VPS35L: variants seen among roughly 807,000 people sequenced by gnomAD.
VPS35L encodes the protein VPS35 endosomal protein-sorting factor-like.
VPS35L carries 83 observed loss-of-function variants against 133.0 expected under a neutral mutation model. That is an observed-to-expected ratio of 0.62 (90% CI 0.52 to 0.75). VPS35L has a LOEUF of 0.75. VPS35L is among the 30% of genes least tolerant of loss of function. VPS35L has a pLI of 0.00. For missense variants in VPS35L, 1,083 were observed against 1,206.8 expected (o/e 0.90, Z 1.52); for synonymous variants, 423 against 449.9 (o/e 0.94, Z 0.76).
intron 12 of VPS35L, among the ~76,000 whole-genome samples, chr16:19,615,492 A>G (rs1293512109): frequency 6.6e-6 from 1 of 152,082 alleles, no homozygotes; most frequent in African/African-American, 2.4e-5. Context: ...TCTACTAAAA[A>G]TACAAAAATT....
rs183768797 is a variant in VPS35L, at chr16:19,626,149, T to G, written c.1225-28T>G. 34 of 1,495,636 alleles carry G rather than the reference T, an allele frequency of 2.3e-5. 1 individual carries two copies. In the African/African-American group the frequency reaches 2.6e-4, roughly 11 times the overall value. The allele number at this position is 1,495,636 out of a possible 1,614,324, so 92.6% of individuals were successfully genotyped here. ...ACTTTAGCTCCTCCAACCTGATTTT[T>G]TAATTATTATTATTTTTAACATAAT... On this transcript the variant is annotated intron_variant, in intron 14 of 30. Transcript: ENST00000417362.
chr16:19,699,661 G>T lies in VPS35L; in HGVS notation c.2793+13G>T. Reference sequence around the variant, plus strand: ...CACCAGGACCATGGTGAGGCGCTCGGAGGGCCCCGTGGTATAAGCCCACTG... The same window carrying T: ...CACCAGGACCATGGTGAGGCGCTCGTAGGGCCCCGTGGTATAAGCCCACTG... On this transcript the variant is annotated intron_variant, in intron 30 of 30. Coordinates refer to ENST00000417362, the MANE Select transcript of VPS35L (RefSeq NM_020314.7). The surrounding 1 kb of genome is among the most constrained non-coding windows in gnomAD (Gnocchi z 4.2). 1.2e-6 allele frequency: 2 copies of T among 1,612,232 alleles called. No individual in the cohort carries two copies. The highest frequency in any genetic ancestry group is 1.1e-5 in the South Asian group (1 of 91,070).
At chr16:19,692,895 C>T (rs976199396) in intron 29 of VPS35L, among the ~76,000 whole-genome samples, 3 of 152,196 alleles carry the variant, frequency 2.0e-5, no homozygotes, top group Admixed American at 2.0e-4. Context: ...GGTGTTCAAG[C>T]GTGTGTTTGA....
At position 19,683,992 on chromosome 16, in the gene VPS35L, TGGCTAAATATACACATG is replaced by T. The variant is rs748128695; in HGVS notation, c.2527+1603_2527+1619del. 7.7e-4 allele frequency among the ~76,000 whole-genome samples: 117 copies of T among 152,308 alleles called. No individual in the cohort carries two copies. In the Middle Eastern group the frequency reaches 0.01, roughly 13 times the overall value. Reference sequence around the variant, plus strand: ...TGTGCTACACAATAAACTGGAACAATGGCTAAATATACACATGCATGAGCTTCGTGCCAGGCCTGTTC... The same window carrying T: ...TGTGCTACACAATAAACTGGAACAATCATGAGCTTCGTGCCAGGCCTGTTC... On this transcript the variant is annotated intron_variant, in intron 28 of 30. Transcript: ENST00000417362.
chr16:19,642,953 A>G (rs1388901023), intron 22 of VPS35L, among the ~76,000 whole-genome samples: 1 of 152,206 alleles, frequency 6.6e-6, no homozygotes, highest in Non-Finnish European at 1.5e-5. Flanking sequence ...TATTTTTAAA[A>G]TATGTTTTCG....
chr16:19,627,053 G>A (rs138391256), intron 15 of VPS35L, among the ~76,000 whole-genome samples: 2,498 of 151,970 alleles, frequency 0.016, 64 homozygotes, highest in African/African-American at 0.056. Context: ...AGGCTGAGAC[G>A]GGTGGATCAC....
intron 23 of VPS35L, among the ~76,000 whole-genome samples, chr16:19,645,352 C>A (rs1973908924): frequency 1.3e-5 from 2 of 149,932 alleles, no homozygotes; most frequent in Non-Finnish European, 3.0e-5. Context: ...TGCAGTGGCG[C>A]GATCTCAGCT....
intron 26 of VPS35L, among the ~76,000 whole-genome samples, chr16:19,667,427 G>GT (rs1974730513): frequency 6.6e-6 from 1 of 152,074 alleles, no homozygotes; most frequent in Non-Finnish European, 1.5e-5. Context: ...ACCAAAATAC[G>GT]TAACAGGCTT....
At chr16:19,681,400 G>A (rs1047766593) in intron 27 of VPS35L, among the ~76,000 whole-genome samples, 3 of 152,208 alleles carry the variant, frequency 2.0e-5, no homozygotes, top group African/African-American at 7.2e-5. Context: ...CCCTGCCGCT[G>A]CGGGTTCCAA....
chr16:19,582,720 G>A (rs925448748), intron 7 of VPS35L, among the ~76,000 whole-genome samples: 7 of 152,188 alleles, frequency 4.6e-5, no homozygotes, highest in Admixed American at 3.9e-4. Flanking sequence ...GATTATTGTA[G>A]TTTAGAACTG....
At chr16:19,592,179 G>A (rs59437264) in intron 8 of VPS35L, among the ~76,000 whole-genome samples, 2,843 of 150,920 alleles carry the variant, frequency 0.019, 95 homozygotes, top group African/African-American at 0.064. Context: ...GGCTCAAGCC[G>A]TCTTCCTGCC....
At chr16:19,569,158 G>A (rs1230350065) in intron 2 of VPS35L, 2 of 633,786 alleles carry the variant, frequency 3.2e-6, no homozygotes, top group Non-Finnish European at 5.8e-6. Flanking sequence ...AACCCCAGGT[G>A]CTGTAGCCAT....
intron 19 of VPS35L, among the ~76,000 whole-genome samples, chr16:19,635,723 G>A (rs1973602914): frequency 2.0e-5 from 3 of 152,182 alleles, no homozygotes; most frequent in Admixed American, 2.0e-4. Context: ...CATGATTCAT[G>A]CAATCTACTC....
chr16:19,694,112 G>C (rs1401673034), intron 29 of VPS35L: 1 of 152,100 alleles, frequency 6.6e-6, no homozygotes, highest in Non-Finnish European at 1.5e-5. Flanking sequence ...ACATAGAAAT[G>C]ATAAATGCTT....
intron 24 of VPS35L, among the ~76,000 whole-genome samples, chr16:19,648,547 G>T (rs1439295966): frequency 6.6e-6 from 1 of 152,082 alleles, no homozygotes; most frequent in African/African-American, 2.4e-5. Context: ...CAGACCAAAA[G>T]AATTAATAAC....
intron 29 of VPS35L, among the ~76,000 whole-genome samples, chr16:19,696,407 C>T (rs1291251027): frequency 4.6e-5 from 7 of 152,154 alleles, no homozygotes; most frequent in Admixed American, 4.6e-4. Context: ...CTGGTAGCAA[C>T]CGTGCTTCCA....
At chr16:19,588,809 G>C (rs895810978) in intron 7 of VPS35L, among the ~76,000 whole-genome samples, 1 of 152,202 alleles carries the variant, frequency 6.6e-6, no homozygotes, top group Non-Finnish European at 1.5e-5. Flanking sequence ...CTATACCTAA[G>C]AGTAGAACTG....
At chr16:19,656,681 A>C (rs144757389) in intron 26 of VPS35L, among the ~76,000 whole-genome samples, 214 of 152,154 alleles carry the variant, frequency 1.4e-3, no homozygotes, top group Non-Finnish European at 2.3e-3. Flanking sequence ...CCACCGGCAC[A>C]TAGTAGCTGC....
chr16:19,685,696 G>C lies in VPS35L; in HGVS notation c.2527+3306G>C, dbSNP rs114559645. 2.9e-3 allele frequency among the ~76,000 whole-genome samples: 441 copies of C among 152,282 alleles called. 5 individuals are homozygous for C. Among genetic ancestry groups the C allele is most frequent in the African/African-American group, 0.01 (426 of 41,558 alleles). ...AGTTGCTATGGTCATTCTTTTTCATGTCAGCTGTTCTAGGAGTGGAGTTTG... is the reference window on the plus strand; with the variant it reads ...AGTTGCTATGGTCATTCTTTTTCATCTCAGCTGTTCTAGGAGTGGAGTTTG... On this transcript the variant is annotated intron_variant, in intron 28 of 30. Coordinates refer to ENST00000417362, the MANE Select transcript of VPS35L (RefSeq NM_020314.7).
Sources: allele counts gnomAD v4.1 joint callset (sites outside exome capture counted in the v4.1 genomes callset), GRCh38; gene constraint gnomAD v4.1.1; non-coding constraint Gnocchi (gnomAD v3.1); transcripts MANE v1.5; gene names NCBI Gene and HGNC (gene_info 2026-07-23, HGNC 2026-07-21).